Variants in WDR1 observed in about 807,000 individuals in gnomAD.
WDR1 encodes WD repeat-containing protein 1.
A neutral mutation model predicts 71.9 loss-of-function variants in WDR1; 21 were observed. That is an observed-to-expected ratio of 0.29 (90% CI 0.21 to 0.42). The LOEUF (loss-of-function observed/expected upper bound fraction) is 0.42. Ranked by LOEUF, WDR1 falls within the 10% of genes least tolerant of loss-of-function variation. The probability of loss-of-function intolerance (pLI) is 1.00; values close to 1 mark genes in which losing one functional copy is unlikely to be tolerated. For missense variants in WDR1, 696 were observed against 824.5 expected, an observed-to-expected ratio of 0.84 and a Z score of 1.91; for synonymous variants, 424 against 347.4, an observed-to-expected ratio of 1.22 and a Z score of -2.45.
intron 5 of WDR1, chr4:10,094,542 G>A (rs1002862749): frequency 1.3e-5 from 2 of 152,220 alleles, no homozygotes; most frequent in Admixed American, 1.3e-4. Context: ...CCTTTTTCAG[G>A]CCACGGTCAG....
rs549031115 is a variant in WDR1 at position 10,083,533 on chromosome 4, T to C, written c.1040-355A>G. On this transcript the variant is annotated intron_variant, in intron 9 of 14. Transcript: ENST00000499869. ...TATGTTTTGGGGGCAGAGGGTGGCATGTCTGCCCTCCTCTCCCAGCCTGGG... is the reference window on the plus strand; with the variant it reads ...TATGTTTTGGGGGCAGAGGGTGGCACGTCTGCCCTCCTCTCCCAGCCTGGG... The C allele has an allele frequency of 1.5e-5, 7 of 475,060 alleles. 1 individual carries two copies. Among genetic ancestry groups the C allele is most frequent in the South Asian group, 7.7e-5 (5 of 64,762 alleles). The allele number at this position is 475,060 out of a possible 1,614,324, so 29.4% of individuals were successfully genotyped here.
intron 3 of WDR1, 27 bp from the exon 4 acceptor site, chr4:10,099,166 G>C (rs757424002): frequency 1.4e-5 from 18 of 1,315,970 alleles, no homozygotes; most frequent in South Asian, 8.6e-5. Flanking sequence ...GCGGGGGAGG[G>C]GGGGAGGCGG....
At chr4:10,114,064 G>A (rs1288298915) in intron 2 of WDR1, among the ~76,000 whole-genome samples, 1 of 151,800 alleles carries the variant, frequency 6.6e-6, no homozygotes, top group Non-Finnish European at 1.5e-5. Flanking sequence ...AGAGTACTTT[G>A]CCCTAAAAAA....
At chr4:10,078,257 GGCACTGCCAC>G (rs1764876228) in intron 12 of WDR1, among the ~76,000 whole-genome samples, 2 of 152,178 alleles carry the variant, frequency 1.3e-5, no homozygotes, top group African/African-American at 4.8e-5. Flanking sequence ...TAGCATGGAG[GGCACTGCCAC>G]GCCTGCTGCA....
intron 4 of WDR1, 50 bp downstream of exon 4, chr4:10,098,942 C>T (rs563717810): frequency 6.9e-5 from 111 of 1,610,434 alleles, no homozygotes; most frequent in African/African-American, 8.0e-5. Flanking sequence ...AGCACATGGA[C>T]GCATGAGCCA....
At chr4:10,106,125 G>A (rs539562561) in intron 2 of WDR1, among the ~76,000 whole-genome samples, 9 of 152,130 alleles carry the variant, frequency 5.9e-5, no homozygotes, top group African/African-American at 2.2e-4. Context: ...GCGGGGGCGG[G>A]GGGCACCCTC....
chr4:10,106,636 C>T (rs553665065), intron 2 of WDR1: 1 of 152,408 alleles, frequency 6.6e-6, no homozygotes, highest in South Asian at 2.1e-4. Flanking sequence ...AGAGGAAGTT[C>T]TGCCCCTAAA....
chr4:10,109,187 C>T (rs1713201282), intron 2 of WDR1, among the ~76,000 whole-genome samples: 1 of 152,274 alleles, frequency 6.6e-6, no homozygotes, highest in African/African-American at 2.4e-5. Context: ...CCAAGGCAGA[C>T]ACTGGGCGAT....
At chr4:10,105,632 G>A (rs1712969989) in intron 2 of WDR1, among the ~76,000 whole-genome samples, 1 of 152,214 alleles carries the variant, frequency 6.6e-6, no homozygotes, top group Non-Finnish European at 1.5e-5. Context: ...GTGCTGGCAA[G>A]GGTAGAGGGG....
At chr4:10,088,469 C>A in intron 6 of WDR1, 96 bp from the exon 7 acceptor site, 1 of 1,309,146 alleles carries the variant, frequency 7.6e-7, no homozygotes, top group Non-Finnish European at 1.1e-6. Flanking sequence ...AACCGGGGCT[C>A]ACAGACTAAG....
chr4:10,088,423 G>C (rs1260036063), intron 6 of WDR1, 50 bp from the exon 7 acceptor site: 2 of 1,514,062 alleles, frequency 1.3e-6, no homozygotes, highest in East Asian at 2.5e-5. Context: ...ACACCCTCTG[G>C]AGTAAGCAGT....
chr4:10,113,867 A>G (rs1713543478), intron 2 of WDR1, among the ~76,000 whole-genome samples: 1 of 152,216 alleles, frequency 6.6e-6, no homozygotes, highest in Non-Finnish European at 1.5e-5. Context: ...CTTTTAGGGG[A>G]AGAGCACGTG....
chr4:10,088,087 C>G, intron 7 of WDR1, 147 bp from the exon 8 acceptor site: 1 of 901,100 alleles, frequency 1.1e-6, no homozygotes, highest in South Asian at 1.7e-5. Flanking sequence ...AAGGACAACA[C>G]CCGCCTCCAG....
chr4:10,108,772 A>G lies in WDR1; in HGVS notation c.139-4786T>C, dbSNP rs570486118. Among the ~76,000 whole-genome samples, 7 of 152,316 alleles carry G rather than the reference A, an allele frequency of 4.6e-5. No homozygotes were observed. In the East Asian group the frequency reaches 1.3e-3, roughly 29 times the overall value. On this transcript the variant is annotated intron_variant, in intron 2 of 14. Coordinates refer to ENST00000499869, the MANE Select transcript of WDR1 (RefSeq NM_017491.5). ...CAACGCCTTCTCCTAATTATCTTTT[A>G]AGGCCCAGGCAAAGGGCTTCTCCTC...
Position 10,077,434 on chromosome 4 carries a change from A to G in WDR1, c.1584T>C (p.Phe528=), listed in dbSNP as rs1312378935. 6.8e-6 allele frequency: 11 copies of G among 1,613,870 alleles called. No homozygotes were observed. In the Admixed American group the frequency reaches 8.3e-5, roughly 12 times the overall value. ...AGACGATTTTTGCATGGTGTCCATAAAAAACATTGTTCTCCTAGTTGCAGG... is the reference window on the plus strand; with the variant it reads ...AGACGATTTTTGCATGGTGTCCATAGAAAACATTGTTCTCCTAGTTGCAGG... ...VADGYSENNV[F]YGHHAKIVCL... The change falls in exon 14 of 15, where the codon TTT becomes TTC. Residue 528 remains phenylalanine, a synonymous_variant. Transcript: ENST00000499869.
chr4:10,091,852 C>A (rs763444424), intron 5 of WDR1: 2 of 152,454 alleles, frequency 1.3e-5, no homozygotes, highest in Non-Finnish European at 2.9e-5. Context: ...AGGGCAGTTC[C>A]CGAGAGAGCT....
intron 5 of WDR1, among the ~76,000 whole-genome samples, chr4:10,090,750 G>A (rs1560535500): frequency 6.6e-6 from 1 of 152,228 alleles, no homozygotes; most frequent in African/African-American, 2.4e-5. Flanking sequence ...TTAGATGAAA[G>A]CCGGAGAAAT....
intron 5 of WDR1, among the ~76,000 whole-genome samples, chr4:10,094,233 C>T (rs535364088): frequency 5.2e-4 from 79 of 152,320 alleles, no homozygotes; most frequent in African/African-American, 1.9e-3. Context: ...CACAAACTAT[C>T]CAGTGCACCA....
chr4:10,095,307 A>G (rs1443961151), intron 5 of WDR1, among the ~76,000 whole-genome samples: 1 of 152,254 alleles, frequency 6.6e-6, no homozygotes, highest in Non-Finnish European at 1.5e-5. Context: ...CTCTAAAATA[A>G]AAAATGCCCA....
Sources: allele counts gnomAD v4.1 joint callset (sites outside exome capture counted in the v4.1 genomes callset), GRCh38; gene constraint gnomAD v4.1.1; transcripts MANE v1.5; gene names NCBI Gene and HGNC (gene_info 2026-07-23, HGNC 2026-07-21).